The following RSRP1 variants were observed in gnomAD, a reference collection of about 807,000 sequenced individuals.
The protein encoded by RSRP1 is arginine/serine-rich protein 1.
Under a neutral mutation model 33.0 loss-of-function variants are expected in RSRP1, and 37 were observed. The ratio of observed to expected loss-of-function variants is 1.12; its 90% CI spans 0.86 to 1.48. The LOEUF (loss-of-function observed/expected upper bound fraction) is 1.48. Ranked by LOEUF, RSRP1 falls within the 40% of genes most tolerant of loss-of-function variation. The pLI is 0.00. For synonymous variants in RSRP1, 167 were observed against 158.7 expected, an observed-to-expected ratio of 1.05 and a Z score of -0.40; for missense variants, 402 against 385.3, an observed-to-expected ratio of 1.04 and a Z score of -0.36.
chr1:25,259,624 T>C (rs1347565130), intron 1 of RSRP1, among the ~76,000 whole-genome samples: 2 of 152,028 alleles, frequency 1.3e-5, no homozygotes, highest in Non-Finnish European at 2.9e-5. Flanking sequence ...TGCCTCAGCC[T>C]CCCGAGTAGC....
chr1:25,255,846 G>A (rs1273909419), intron 1 of RSRP1, among the ~76,000 whole-genome samples: 3 of 152,082 alleles, frequency 2.0e-5, no homozygotes, highest in African/African-American at 2.4e-5. Flanking sequence ...TAATGCTGCG[G>A]CTGATCTGAC....
At chr1:25,300,966 G>A in intron 1 of RSRP1, 1 of 1,373,832 alleles carries the variant, frequency 7.3e-7, no homozygotes, top group African/African-American at 1.5e-5. Context: ...ACATGAACAT[G>A]ATGCACATCT....
At chr1:25,277,245 G>A (rs1641093817) in intron 1 of RSRP1, among the ~76,000 whole-genome samples, 2 of 130,716 alleles carry the variant, frequency 1.5e-5, no homozygotes, top group South Asian at 4.7e-4. Flanking sequence ...GGTGGCTTCT[G>A]GGTGAATCTG....
chr1:25,313,443 A>C lies in RSRP1; in HGVS notation c.-67+24535T>G, dbSNP rs1172265236. Reference sequence around the variant, plus strand: ...GTGCTTTTGTATGCTTCTTTTACTCAACATTGTAGTTGTGAGATTCATCCA... The same window carrying C: ...GTGCTTTTGTATGCTTCTTTTACTCCACATTGTAGTTGTGAGATTCATCCA... On this transcript the variant is annotated intron_variant, in intron 1 of 1. Coordinates refer to the RSRP1 transcript ENST00000561867. 2.3e-5 allele frequency among the ~76,000 whole-genome samples: 3 copies of C among 133,078 alleles called. 1 individual carries two copies. Among genetic ancestry groups the C allele is most frequent in the African/African-American group, 7.7e-5 (3 of 38,970 alleles). 87.3% of individuals were successfully genotyped at this position (133,078 alleles called of 152,430 possible).
At chr1:25,266,178 T>C (rs988559872) in intron 1 of RSRP1, 1 of 132,644 alleles carries the variant, frequency 7.5e-6, no homozygotes, top group Non-Finnish European at 1.8e-5. Flanking sequence ...AGGTAAAGAA[T>C]GACAAATTAA....
intron 1 of RSRP1, chr1:25,290,921 A>G: frequency 1.0e-6 from 1 of 976,572 alleles, no homozygotes; most frequent in African/African-American, 1.6e-5. Context: ...AGGAGGGAAG[A>G]TCACTTGAGG....
intron 3 of RSRP1, chr1:25,244,601 A>C (rs1245506643): frequency 1.6e-6 from 2 of 1,267,658 alleles, no homozygotes; most frequent in Non-Finnish European, 2.0e-6. Context: ...CTCTGTAAAT[A>C]GCTTAGAAAA....
At chr1:25,242,933 T>C (rs1326769276) in intron 4 of RSRP1, among the ~76,000 whole-genome samples, 1 of 151,952 alleles carries the variant, frequency 6.6e-6, no homozygotes, top group East Asian at 1.9e-4. Flanking sequence ...CTCCTAAAAA[T>C]ACAAAAATTA....
At chr1:25,280,745 G>A (rs1641423586) in intron 1 of RSRP1, among the ~76,000 whole-genome samples, 1 of 130,102 alleles carries the variant, frequency 7.7e-6, no homozygotes, top group African/African-American at 2.6e-5. Flanking sequence ...CTGAGTAGCT[G>A]GGACTACAGG....
At chr1:25,292,138 T>A (rs1043158384) in intron 1 of RSRP1, among the ~76,000 whole-genome samples, 5 of 131,150 alleles carry the variant, frequency 3.8e-5, no homozygotes, top group African/African-American at 1.3e-4. Context: ...TTTGAGGGAG[T>A]AATTGAATTA....
chr1:25,291,161 T>TAGACAGACAGAC (rs377224052), intron 1 of RSRP1, among the ~76,000 whole-genome samples: 23 of 124,092 alleles, frequency 1.9e-4, no homozygotes, highest in African/African-American at 6.8e-4. Flanking sequence ...GATAGATAGA[T>TAGACAGACAGAC]AGACAGACAG....
chr1:25,329,087 C>CT (rs1644923681), intron 1 of RSRP1: 1 of 1,293,070 alleles, frequency 7.7e-7, no homozygotes, highest in Admixed American at 2.0e-5. Flanking sequence ...CTCTGCCACT[C>CT]TTTGAGGAGA....
At chr1:25,278,460 C>T (rs140102180) in intron 1 of RSRP1, among the ~76,000 whole-genome samples, 2,702 of 131,656 alleles carry the variant, frequency 0.021, 655 homozygotes, top group Non-Finnish European at 0.03. Flanking sequence ...TTCTGTGGTG[C>T]AACAACTGGG....
chr1:25,314,631 T>C (rs2124073833), intron 1 of RSRP1, among the ~76,000 whole-genome samples: 1 of 132,620 alleles, frequency 7.5e-6, no homozygotes, highest in Non-Finnish European at 1.8e-5. Flanking sequence ...GTAGCTTAGA[T>C]TACAGGCGCA....
At chr1:25,296,108 C>A (rs1205241880) in intron 1 of RSRP1, among the ~76,000 whole-genome samples, 2 of 115,248 alleles carry the variant, frequency 1.7e-5, no homozygotes, top group African/African-American at 5.8e-5. Flanking sequence ...GGTGATCCAC[C>A]CGCCTTGGCC....
chr1:25,299,478 T>A lies in RSRP1; in HGVS notation c.-67+38500A>T, dbSNP rs1241095928. Among the ~76,000 whole-genome samples, 4 of 131,796 alleles carry A rather than the reference T, an allele frequency of 3.0e-5. No individual in the cohort carries two copies. The East Asian group carries it at 7.8e-4, about 26-fold the overall frequency. 86.5% of individuals were successfully genotyped at this position (131,796 alleles called of 152,430 possible). On this transcript the variant is annotated intron_variant, in intron 1 of 1. Transcript: ENST00000561867. ...CCCTCTACAGACAAGGCACCCCGAT[T>A]GCTTGCACCCAGGGTGGACTACTCC... is the stretch of plus-strand genomic sequence containing the variant.
In RSRP1 at chr1:25,287,915, G is replaced by C. The variant is rs1642182898; in HGVS notation, c.-66-40886C>G. ...TTTTTGTATTTTTAGTAGACAAGGG[G>C]TTTCACCAGGTGGGTCAGGTTGGTC... On this transcript the variant is annotated intron_variant, in intron 1 of 1. Coordinates refer to the RSRP1 transcript ENST00000561867. 1.5e-5 allele frequency among the ~76,000 whole-genome samples: 2 copies of C among 131,562 alleles called. 1 individual carries two copies. Among genetic ancestry groups the C allele is most frequent in the African/African-American group, 5.2e-5 (2 of 38,682 alleles). 86.3% of individuals were successfully genotyped at this position (131,562 alleles called of 152,430 possible).
At chr1:25,299,095 A>C (rs958098839) in intron 1 of RSRP1, among the ~76,000 whole-genome samples, 3 of 126,986 alleles carry the variant, frequency 2.4e-5, no homozygotes, top group African/African-American at 8.1e-5. Flanking sequence ...AAAAAAAAAA[A>C]AACAGGCTGG....
intron 1 of RSRP1, among the ~76,000 whole-genome samples, chr1:25,283,268 T>C (rs28548086): frequency 0.015 from 2,012 of 132,610 alleles, 292 homozygotes; most frequent in African/African-American, 0.049. Flanking sequence ...CTGTGGCTCA[T>C]GTCTGTAATC....
Sources: gnomAD v4.1 joint callset for allele counts (sites outside exome capture counted in the v4.1 genomes callset) on GRCh38, gnomAD v4.1.1 for gene constraint, MANE v1.5 for transcripts, NCBI Gene and HGNC (gene_info 2026-07-23, HGNC 2026-07-21) for gene names.